The following GAS7 variants were observed in gnomAD, a reference collection of about 807,000 sequenced individuals.
GAS7 encodes growth arrest-specific protein 7.
In GAS7, 28 loss-of-function variants were observed where a neutral mutation model predicts 71.1. The observed-to-expected ratio is 0.39, with a 90% CI of 0.29 to 0.54. GAS7 has a LOEUF of 0.54. Among genes scored for constraint, GAS7 ranks in the 20% least tolerant of loss-of-function variants. GAS7 has a pLI of 0.62. For missense variants in GAS7, 436 were observed against 627.8 expected (o/e 0.69, Z 3.27); for synonymous variants, 258 against 245.8 (o/e 1.05, Z -0.46).
intron 1 of GAS7, among the ~76,000 whole-genome samples, chr17:10,135,553 TA>T (rs1963206569): frequency 6.6e-6 from 1 of 152,230 alleles, no homozygotes; most frequent in South Asian, 2.1e-4. Context: ...TCTGCTGGTT[TA>T]TATCTGTTTA....
intron 5 of GAS7, among the ~76,000 whole-genome samples, chr17:9,955,274 G>A (rs999552519): frequency 1.1e-4 from 17 of 152,246 alleles, no homozygotes; most frequent in Non-Finnish European, 2.4e-4. Flanking sequence ...TCCTCCCCCC[G>A]GTTACATTTT....
intron 1 of GAS7, among the ~76,000 whole-genome samples, chr17:10,024,553 T>C (rs75585361): frequency 0.021 from 3,180 of 152,232 alleles, 127 homozygotes; most frequent in African/African-American, 0.072. Context: ...GGAAGTTCTT[T>C]CTAACTCAGA....
At chr17:10,025,503 T>C (rs1344313658) in intron 1 of GAS7, among the ~76,000 whole-genome samples, 1 of 151,852 alleles carries the variant, frequency 6.6e-6, no homozygotes, top group Non-Finnish European at 1.5e-5. Flanking sequence ...AGCTGTAGGC[T>C]GACTTCCTTG....
At chr17:10,049,912 G>A (rs1044077224) in intron 1 of GAS7, among the ~76,000 whole-genome samples, 18 of 152,084 alleles carry the variant, frequency 1.2e-4, no homozygotes, top group South Asian at 8.3e-4. Context: ...GAGCCACCGC[G>A]CCCGGTCTGA....
chr17:10,165,342 C>A (rs762519897), intron 1 of GAS7, among the ~76,000 whole-genome samples: 3 of 151,260 alleles, frequency 2.0e-5, no homozygotes, highest in Non-Finnish European at 2.9e-5. Context: ...ACTCTTCATG[C>A]CCTAGAGATG....
At chr17:10,090,872 G>C (rs2152255900) in intron 1 of GAS7, among the ~76,000 whole-genome samples, 1 of 152,302 alleles carries the variant, frequency 6.6e-6, no homozygotes, top group South Asian at 2.1e-4. Context: ...CACCACATCA[G>C]TGTGTGTTCT....
At chr17:10,162,125 G>C (rs147595150) in intron 1 of GAS7, among the ~76,000 whole-genome samples, 1 of 151,184 alleles carries the variant, frequency 6.6e-6, no homozygotes, top group Non-Finnish European at 1.5e-5. Context: ...CCTTCCGAAG[G>C]CTCCCAGTCT....
intron 1 of GAS7, among the ~76,000 whole-genome samples, chr17:10,027,521 G>A (rs1008662278): frequency 1.3e-5 from 2 of 152,222 alleles, no homozygotes; most frequent in African/African-American, 2.4e-5. Context: ...CCATGAGGGC[G>A]CCTCCTTCAG....
rs1482335213 is a variant in GAS7 at position 9,981,399 on chromosome 17, G to A, written c.385+405C>T. Among the ~76,000 whole-genome samples, 1 of 152,086 alleles carries A rather than the reference G, an allele frequency of 6.6e-6. No homozygotes were observed. The highest frequency in any genetic ancestry group is 1.5e-5 in the Non-Finnish European group (1 of 68,024). ...ACCCTCAAAAGGTCTCCCTCACACT[G>A]TTTCAGGTGTTTTATTTGAAAGCTG... On this transcript the variant is annotated intron_variant, in intron 3 of 13. Coordinates refer to ENST00000432992, the MANE Select transcript of GAS7 (RefSeq NM_201433.2). This position sits in a 1 kb window ranked among gnomAD's most constrained non-coding sequence, Gnocchi z 4.4.
At chr17:10,046,391 G>A (rs2072955770) in intron 1 of GAS7, among the ~76,000 whole-genome samples, 1 of 146,784 alleles carries the variant, frequency 6.8e-6, no homozygotes, top group East Asian at 2.0e-4. Flanking sequence ...AAACAGAATC[G>A]GAGGAAAAAA....
Position 10,103,588 on chromosome 17 carries a change from G to A in GAS7, c.184-83691C>T, listed in dbSNP as rs147577112. 3.6e-4 allele frequency among the ~76,000 whole-genome samples: 55 copies of A among 152,232 alleles called. No homozygotes were observed. Among genetic ancestry groups the A allele is most frequent in the Non-Finnish European group, 1.3e-4 (9 of 68,024 alleles). On this transcript the variant is annotated intron_variant, in intron 1 of 13. Transcript: ENST00000432992. The surrounding 1 kb of genome is among the most constrained non-coding windows in gnomAD (Gnocchi z 5.5). ...CACCTGTAATCCCAGCACTTTGGGA[G>A]GCCGAGGTGGGCGGATCACCTGAGG...
intron 2 of GAS7, among the ~76,000 whole-genome samples, chr17:10,016,618 A>C (rs962138373): frequency 2.0e-5 from 3 of 146,982 alleles, no homozygotes; most frequent in East Asian, 2.0e-4. Flanking sequence ...AAAAAAAAAA[A>C]AAAAAACAAA....
chr17:10,021,349 ACTCTCAC>A lies in GAS7; in HGVS notation c.184-1459_184-1453del, dbSNP rs557259573. Among the ~76,000 whole-genome samples, 1,468 of 152,216 alleles carry A rather than the reference ACTCTCAC, an allele frequency of 9.6e-3. 52 individuals carry two copies. In the East Asian group the frequency reaches 0.15, roughly 16 times the overall value. On this transcript the variant is annotated intron_variant, in intron 1 of 13. Coordinates refer to ENST00000432992, the MANE Select transcript of GAS7 (RefSeq NM_201433.2). ...AGCAGAGACACACAGCTCCCAGGCTACTCTCACGCTTTGTGAAGGTTGCAAAACCACG... is the reference window on the plus strand; with the variant it reads ...AGCAGAGACACACAGCTCCCAGGCTAGCTTTGTGAAGGTTGCAAAACCACG...
chr17:10,025,223 C>A (rs534865176), intron 1 of GAS7, among the ~76,000 whole-genome samples: 1 of 152,030 alleles, frequency 6.6e-6, no homozygotes, highest in Admixed American at 6.6e-5. Flanking sequence ...GGCAATGGAG[C>A]AAGACCCCAT....
At chr17:10,036,995 C>G (rs2072765423) in intron 1 of GAS7, among the ~76,000 whole-genome samples, 1 of 152,170 alleles carries the variant, frequency 6.6e-6, no homozygotes, top group Admixed American at 6.5e-5. Context: ...CTGGTCCTGG[C>G]CCCGGCCCCG....
rs145301185 is a variant in GAS7, at chr17:10,004,542, C to T, written c.304+15235G>A. ...AGCCCCAGAATGGCAGAGCTTCCTG[C>T]GCTAATGTTGGACACACATAAAAGC... is the stretch of plus-strand genomic sequence containing the variant. On this transcript the variant is annotated intron_variant, in intron 2 of 13. Transcript: ENST00000432992. Among the ~76,000 whole-genome samples, 14 of 152,176 alleles carry T rather than the reference C, an allele frequency of 9.2e-5. No individual in the cohort carries two copies. The South Asian group carries it at 1.9e-3, about 20-fold the overall frequency.
At chr17:10,063,814 G>A (rs966057339) in intron 1 of GAS7, among the ~76,000 whole-genome samples, 4 of 152,192 alleles carry the variant, frequency 2.6e-5, no homozygotes, top group Non-Finnish European at 5.9e-5. Flanking sequence ...CTGGTCAAAT[G>A]CTTCCTTCAA....
At chr17:10,159,045 G>A (rs2953448) in intron 1 of GAS7, among the ~76,000 whole-genome samples, 128,342 of 128,342 alleles carry the variant, frequency 1, 64,171 homozygotes, top group Non-Finnish European at 1. Flanking sequence ...GGACAACAGA[G>A]TGAGACACTG....
chr17:10,133,302 T>C (rs2074013846), intron 1 of GAS7, among the ~76,000 whole-genome samples: 1 of 151,966 alleles, frequency 6.6e-6, no homozygotes, highest in South Asian at 2.1e-4. Flanking sequence ...TTTGTATTTT[T>C]GGTAGAGACA....
Sources: gnomAD v4.1 joint callset for allele counts (sites outside exome capture counted in the v4.1 genomes callset) on GRCh38, gnomAD v4.1.1 for gene constraint, Gnocchi (gnomAD v3.1) non-coding constraint, MANE v1.5 for transcripts, NCBI Gene and HGNC (gene_info 2026-07-23, HGNC 2026-07-21) for gene names.